SLC35A5: variants seen among roughly 807,000 people sequenced by gnomAD.
SLC35A5 encodes the protein UDP-sugar transporter protein SLC35A5.
Under a neutral mutation model 36.3 loss-of-function variants are expected in SLC35A5, and 28 were observed. The ratio of observed to expected loss-of-function variants is 0.77; its 90% CI spans 0.57 to 1.06. SLC35A5 has a LOEUF of 1.06. SLC35A5 is among the 50% of genes least tolerant of loss of function. SLC35A5 has a pLI of 0.00. For missense variants in SLC35A5, 521 were observed against 499.3 expected (o/e 1.04, Z -0.41); for synonymous variants, 180 against 173.7 (o/e 1.04, Z -0.29).
intron 5 of SLC35A5, 116 bp from the exon 6 acceptor site, chr3:112,580,430 T>C: frequency 8.5e-7 from 1 of 1,174,220 alleles, no homozygotes; most frequent in South Asian, 1.7e-5. Flanking sequence ...TAGGAAATGC[T>C]AGCAAAAACT....
chr3:112,566,828 G>T (rs951473322), intron 2 of SLC35A5, among the ~76,000 whole-genome samples: 6 of 152,314 alleles, frequency 3.9e-5, no homozygotes, highest in East Asian at 1.9e-4. Flanking sequence ...GATGGAGAAG[G>T]TATGGTAGCT....
chr3:112,563,431 G>C lies in SLC35A5; in HGVS notation c.28G>C (p.Val10Leu), dbSNP rs766803215. The change falls in exon 2 of 7, where the codon GTA (valine) becomes CTA (leucine). Residue 10 changes from valine (V) to leucine (L), a missense_variant. By Grantham distance (32) the Val-to-Leu change is conservative. Coordinates refer to ENST00000492406, the MANE Select transcript of SLC35A5 (RefSeq NM_017945.5). ...GGAAAAACAGTGCTGTAGTCATCCT[G>C]TAATATGCTCCTTGTCAACAATGTA... MEKQCCSHP[V>L]ICSLSTMYTF... The C allele has an allele frequency of 2.5e-6, 4 of 1,585,184 alleles. No homozygotes were observed. The highest frequency in any genetic ancestry group is 3.5e-6 in the Non-Finnish European group (4 of 1,158,532).
chr3:112,575,450 A>G (rs1445022516), intron 5 of SLC35A5, among the ~76,000 whole-genome samples: 1 of 145,140 alleles, frequency 6.9e-6, no homozygotes, highest in African/African-American at 2.9e-5. Flanking sequence ...GCATTTAACT[A>G]TTTGTATTAA....
At chr3:112,567,868 T>C (rs574439893) in intron 2 of SLC35A5, among the ~76,000 whole-genome samples, 1 of 152,338 alleles carries the variant, frequency 6.6e-6, no homozygotes, top group African/African-American at 2.4e-5. Flanking sequence ...CCCCTTCTTA[T>C]ATGCACATGT....
At chr3:112,580,216 T>C (rs921434036) in intron 5 of SLC35A5, among the ~76,000 whole-genome samples, 22 of 152,324 alleles carry the variant, frequency 1.4e-4, no homozygotes, top group Non-Finnish European at 2.9e-4. Flanking sequence ...GCTGTAACTT[T>C]ATAGTACAAT....
chr3:112,574,168 T>C (rs932716369), intron 5 of SLC35A5, among the ~76,000 whole-genome samples: 1 of 152,212 alleles, frequency 6.6e-6, no homozygotes, highest in Non-Finnish European at 1.5e-5. Context: ...GAAAATGTCT[T>C]GAGCATCTTA....
chr3:112,568,496 C>T (rs1035803559), intron 2 of SLC35A5, among the ~76,000 whole-genome samples: 4 of 152,184 alleles, frequency 2.6e-5, no homozygotes, highest in Non-Finnish European at 5.9e-5. Context: ...CTTCCTAATT[C>T]TATTGATTTG....
Position 112,563,407 on chromosome 3 carries a change from GA to G in SLC35A5, c.9del (p.Lys3AsnfsTer8). M[E>X]KQCCSHPVIC... is the part of the protein sequence containing the mutation. ...AAGGTAATTAAAAAACAGTGGAATG[GA>G]AAAACAGTGCTGTAGTCATCCTGTA... On this transcript the variant is annotated frameshift_variant, in exon 2 of 7. Transcript: ENST00000492406. LOFTEE classifies it high-confidence loss of function. The G allele has an allele frequency of 2.0e-6, 3 of 1,508,210 alleles. No homozygotes were observed. Among genetic ancestry groups the G allele is most frequent in the Admixed American group, 1.9e-5 (1 of 53,992 alleles). The allele number at this position is 1,508,210 out of a possible 1,614,324, so 93.4% of individuals were successfully genotyped here. A position where few individuals can be genotyped will look rare whatever the true frequency, so the allele number is the denominator to read the frequency against.
At chr3:112,563,830 G>T (rs751236879) in intron 2 of SLC35A5, among the ~76,000 whole-genome samples, 2 of 151,672 alleles carry the variant, frequency 1.3e-5, no homozygotes, top group Non-Finnish European at 2.9e-5. Context: ...AGCAAAATGT[G>T]TAATTGCGCC....
chr3:112,581,298 G>T lies in SLC35A5; in HGVS notation c.1181G>T (p.Ser394Ile). ...APRQERIRDL[S>I]GNLWERSSGD... ...AGGCAAGAAAGGATCCGAGATCTAAGTGGCAATCTTTGGGAGCGTTCCAGT... is the reference window on the plus strand; with the variant it reads ...AGGCAAGAAAGGATCCGAGATCTAATTGGCAATCTTTGGGAGCGTTCCAGT... The change falls in exon 6 of 7, where the codon AGT becomes ATT. Residue 394 changes from serine to isoleucine, a missense_variant. Coordinates refer to ENST00000492406, the MANE Select transcript of SLC35A5 (RefSeq NM_017945.5). 1 of 1,611,354 alleles carries T rather than the reference G, an allele frequency of 6.2e-7. No individual in the cohort carries two copies. The highest frequency in any genetic ancestry group is 8.5e-7 in the Non-Finnish European group (1 of 1,178,914).
At chr3:112,582,639 G>C in intron 6 of SLC35A5, 32 bp from the exon 7 acceptor site, 1 of 1,570,854 alleles carries the variant, frequency 6.4e-7, no homozygotes, top group Non-Finnish European at 8.7e-7. Flanking sequence ...TTCCAGTTTT[G>C]TTCTAATTAC....
intron 4 of SLC35A5, 59 bp downstream of exon 4, chr3:112,570,729 A>ATTTT: frequency 2.8e-5 from 33 of 1,178,074 alleles, no homozygotes; most frequent in Admixed American, 1.2e-4. Flanking sequence ...AAATCCCAGA[A>ATTTT]TTTTTTTTTT....
chr3:112,570,353 C>A, intron 3 of SLC35A5, 187 bp from the exon 4 acceptor site: 1 of 473,696 alleles, frequency 2.1e-6, no homozygotes, highest in Non-Finnish European at 3.6e-6. Flanking sequence ...TTAGGATAAC[C>A]AGTAGTCCTA....
rs1244687362 is a variant in SLC35A5 at position 112,583,422 on chromosome 3, G to T, written c.*686G>T. The T allele has an allele frequency of 3.4e-6, 1 of 295,412 alleles. No individual in the cohort carries two copies. Among genetic ancestry groups the T allele is most frequent in the Non-Finnish European group, 6.2e-6 (1 of 161,356 alleles). 18.3% of individuals were successfully genotyped at this position (295,412 alleles called of 1,614,324 possible). On this transcript the variant is annotated 3_prime_UTR_variant, in exon 7 of 7. Coordinates refer to ENST00000492406, the MANE Select transcript of SLC35A5 (RefSeq NM_017945.5). ...AAACATTGGTTCCCTAGTCACCATA[G>T]TTACCACTTGTATTTTAAGTCATTT...
At chr3:112,576,052 G>A (rs1018648861) in intron 5 of SLC35A5, among the ~76,000 whole-genome samples, 1 of 151,694 alleles carries the variant, frequency 6.6e-6, no homozygotes, top group South Asian at 2.1e-4. Context: ...GAGCCACTAC[G>A]CCTGGCCTTA....
intron 2 of SLC35A5, chr3:112,564,043 A>T (rs1307409329): frequency 6.6e-6 from 1 of 152,282 alleles, no homozygotes; most frequent in Non-Finnish European, 1.5e-5. Context: ...CTTTAATTCC[A>T]CAAAACTGTA....
At chr3:112,578,459 A>T (rs1360324602) in intron 5 of SLC35A5, among the ~76,000 whole-genome samples, 1 of 152,208 alleles carries the variant, frequency 6.6e-6, no homozygotes, top group Non-Finnish European at 1.5e-5. Flanking sequence ...GGCTCTGAGC[A>T]TCCATTACTA....
Position 112,581,319 on chromosome 3 carries a change from C to A in SLC35A5, c.1202C>A (p.Ser401Tyr). ...RDLSGNLWER[S>Y]SGDGEELERL... is the part of the protein sequence containing the mutation. ...CTAAGTGGCAATCTTTGGGAGCGTT[C>A]CAGTGGGGTAAGTTTGTGAGGGTGT... The change falls in exon 6 of 7, where the codon TCC becomes TAC. Residue 401 changes from serine to tyrosine, a missense_variant. By Grantham distance (144) the Ser-to-Tyr change is moderately radical. Transcript: ENST00000492406. The A allele has an allele frequency of 1.2e-6, 2 of 1,600,850 alleles. No homozygotes were observed. The highest frequency in any genetic ancestry group is 1.7e-6 in the Non-Finnish European group (2 of 1,174,598).
At chr3:112,570,426 G>T in intron 3 of SLC35A5, 114 bp from the exon 4 acceptor site, 1 of 1,188,440 alleles carries the variant, frequency 8.4e-7, no homozygotes, top group Non-Finnish European at 1.2e-6. Context: ...ATGAAATGGA[G>T]GCACGTTTAT....
Sources: allele counts gnomAD v4.1 joint callset (sites outside exome capture counted in the v4.1 genomes callset), GRCh38; gene constraint gnomAD v4.1.1; transcripts MANE v1.5; gene names NCBI Gene and HGNC (gene_info 2026-07-23, HGNC 2026-07-21).